The following FBXO4 variants were observed in gnomAD, a reference collection of about 807,000 sequenced individuals.
The protein encoded by FBXO4 is F-box only protein 4.
FBXO4 carries 36 observed loss-of-function variants against 43.7 expected under a neutral mutation model. The observed-to-expected ratio is 0.82, with a 90% CI of 0.63 to 1.09. The LOEUF (loss-of-function observed/expected upper bound fraction) is 1.09, where lower values mean the gene tolerates loss of function less well. Among genes scored for constraint, FBXO4 ranks in the 50% least tolerant of loss-of-function variants. FBXO4 has a pLI of 0.00. For synonymous variants in FBXO4, 180 were observed against 165.6 expected (o/e 1.09, Z -0.67); for missense variants, 435 against 474.1 (o/e 0.92, Z 0.77).
At chr5:42,024,025 TG>T in the FBXO4 span, among the ~76,000 whole-genome samples, 1 of 152,058 alleles carries the variant, frequency 6.6e-6, no homozygotes, top group Non-Finnish European at 1.5e-5. Context: ...GTGACCTTAC[TG>T]GTCCCTTACA....
the FBXO4 span, among the ~76,000 whole-genome samples, chr5:41,985,895 T>A: frequency 1.3e-5 from 2 of 152,246 alleles, no homozygotes; most frequent in Non-Finnish European, 2.9e-5. Flanking sequence ...AGCCATTAGC[T>A]GTTCCTTAGT....
chr5:42,010,309 T>G, the FBXO4 span, among the ~76,000 whole-genome samples: 2 of 151,782 alleles, frequency 1.3e-5, no homozygotes, highest in Non-Finnish European at 2.9e-5. Flanking sequence ...ACCAGCCTGG[T>G]CAAGATGGTG....
chr5:42,005,514 T>C, the FBXO4 span, among the ~76,000 whole-genome samples: 9 of 152,178 alleles, frequency 5.9e-5, no homozygotes, highest in African/African-American at 2.2e-4. Flanking sequence ...TCAGCTGATA[T>C]TCTCTAATCA....
At chr5:42,000,850 T>C in the FBXO4 span, among the ~76,000 whole-genome samples, 35,282 of 152,102 alleles carry the variant, frequency 0.23, 4,488 homozygotes, top group African/African-American at 0.33. Context: ...CCCCATTGTG[T>C]GTTCTTGGCA....
chr5:41,959,120 TTC>T, the FBXO4 span, among the ~76,000 whole-genome samples: 1 of 152,208 alleles, frequency 6.6e-6, no homozygotes, highest in African/African-American at 2.4e-5. Context: ...CTCACTGTAG[TTC>T]TATTTGCATT....
chr5:42,038,215 G>A, the FBXO4 span, among the ~76,000 whole-genome samples: 8 of 152,034 alleles, frequency 5.3e-5, no homozygotes, highest in African/African-American at 1.7e-4. Context: ...TCTGGTGAGG[G>A]ATAACTCATA....
At chr5:42,010,380 T>C in the FBXO4 span, among the ~76,000 whole-genome samples, 3 of 151,936 alleles carry the variant, frequency 2.0e-5, no homozygotes, top group African/African-American at 7.3e-5. Flanking sequence ...TGGTAGCACG[T>C]GCCTGTAATC....
chr5:41,967,630 A>C, the FBXO4 span: 1 of 1,012,322 alleles, frequency 9.9e-7, no homozygotes, highest in Non-Finnish European at 1.5e-6. Context: ...TTGGAATGCC[A>C]GTTTGCTTAA....
chr5:41,984,529 A>G, the FBXO4 span, among the ~76,000 whole-genome samples: 1 of 152,186 alleles, frequency 6.6e-6, no homozygotes, highest in Admixed American at 6.5e-5. Context: ...GCTTTGGATC[A>G]TCTTTCTTTC....
At chr5:41,997,440 G>T in the FBXO4 span, among the ~76,000 whole-genome samples, 1 of 152,194 alleles carries the variant, frequency 6.6e-6, no homozygotes, top group Non-Finnish European at 1.5e-5. Context: ...GGTAGAGGCA[G>T]CTGTAATAGC....
At chr5:41,980,519 T>C in the FBXO4 span, among the ~76,000 whole-genome samples, 1 of 152,146 alleles carries the variant, frequency 6.6e-6, no homozygotes. Context: ...CACATCCTTA[T>C]GATAAATAAA....
chr5:42,037,053 T>C, the FBXO4 span, among the ~76,000 whole-genome samples: 1 of 152,054 alleles, frequency 6.6e-6, no homozygotes, highest in African/African-American at 2.4e-5. Flanking sequence ...GGTTCAGAGA[T>C]TTGTTCTTTT....
At chr5:42,031,929 T>G in the FBXO4 span, among the ~76,000 whole-genome samples, 1 of 152,084 alleles carries the variant, frequency 6.6e-6, no homozygotes, top group Admixed American at 6.6e-5. Context: ...TCTTGCAGAC[T>G]TGTAGAGGTA....
chr5:41,953,600 T>G, the FBXO4 span, among the ~76,000 whole-genome samples: 3 of 150,496 alleles, frequency 2.0e-5, no homozygotes, highest in South Asian at 2.1e-4. Flanking sequence ...TGAACTAGTT[T>G]ACAGTCCCAC....
chr5:41,987,848 T>C, the FBXO4 span, among the ~76,000 whole-genome samples: 1 of 152,312 alleles, frequency 6.6e-6, no homozygotes, highest in South Asian at 2.1e-4. Flanking sequence ...AGGATTTCCA[T>C]CTCTCTCCAT....
At chr5:41,960,733 C>T in the FBXO4 span, among the ~76,000 whole-genome samples, 2 of 151,926 alleles carry the variant, frequency 1.3e-5, no homozygotes, top group African/African-American at 4.8e-5. Flanking sequence ...ATGTTCAGCT[C>T]CAGAATTTCT....
chr5:42,017,778 CTT>C, the FBXO4 span, among the ~76,000 whole-genome samples: 1 of 145,514 alleles, frequency 6.9e-6, no homozygotes, highest in South Asian at 2.2e-4. Flanking sequence ...GATTTCCTGC[CTT>C]TTTTTTTTTA....
At chr5:41,964,905 A>G in the FBXO4 span, among the ~76,000 whole-genome samples, 1 of 152,154 alleles carries the variant, frequency 6.6e-6, no homozygotes, top group East Asian at 1.9e-4. Flanking sequence ...CCATTTGTCA[A>G]TTTTGGCTTT....
Position 41,929,766 on chromosome 5 carries a change from T to G in FBXO4, c.495T>G (p.Thr165=). The change falls in exon 3 of 7, where the codon ACT becomes ACG. Residue 165 remains threonine (T), a synonymous_variant. Transcript: ENST00000281623. ...KSSRPMYGAV[T]SFLHSLIIQN... ...GCCGTCCTATGTATGGAGCTGTCAC[T>G]TCTTTTTTACACTCCCTGATCATTC... The G allele has an allele frequency of 6.2e-7, 1 of 1,614,180 alleles. No individual in the cohort carries two copies. The highest frequency in any genetic ancestry group is 1.7e-5 in the Admixed American group (1 of 60,018).
Sources: gnomAD v4.1 joint callset for allele counts (sites outside exome capture counted in the v4.1 genomes callset) on GRCh38, gnomAD v4.1.1 for gene constraint, MANE v1.5 for transcripts, NCBI Gene and HGNC (gene_info 2026-07-23, HGNC 2026-07-21) for gene names.